ERC2: variants seen among roughly 807,000 people sequenced by gnomAD.
The protein encoded by ERC2 is ELKS/RAB6-interacting/CAST family member 2.
Under a neutral mutation model 114.8 loss-of-function variants are expected in ERC2, and 42 were observed. That is an observed-to-expected ratio of 0.37 (90% CI 0.29 to 0.47). ERC2 has a LOEUF of 0.47. Among genes scored for constraint, ERC2 ranks in the 20% least tolerant of loss-of-function variants. The pLI is 0.99. For missense variants in ERC2, 939 were observed against 1,150.7 expected (o/e 0.82, Z 2.66); for synonymous variants, 454 against 425.5 (o/e 1.07, Z -0.82).
chr3:55,888,551 T>C lies in ERC2; in HGVS notation c.2404-2A>G, dbSNP rs1559820726. 4.3e-6 allele frequency: 7 copies of C among 1,613,630 alleles called. No homozygotes were observed. The highest frequency in any genetic ancestry group is 5.1e-6 in the Non-Finnish European group (6 of 1,179,738). On this transcript the variant is annotated splice_acceptor_variant, in intron 13 of 17. Transcript: ENST00000288221. LOFTEE classifies it high-confidence loss of function. ...CAGTGCATTCATCAGTTCCTCTATCTGAAAGGCACATGGAGCTCTGTGTGT... is the reference window on the plus strand; with the variant it reads ...CAGTGCATTCATCAGTTCCTCTATCCGAAAGGCACATGGAGCTCTGTGTGT...
intron 14 of ERC2, among the ~76,000 whole-genome samples, chr3:55,834,418 C>G (rs2060774792): frequency 6.6e-6 from 1 of 152,132 alleles, no homozygotes; most frequent in Admixed American, 6.5e-5. Flanking sequence ...GTCTCTCAGA[C>G]CACAGTGCAA....
chr3:55,786,658 G>A (rs558978506), intron 14 of ERC2, among the ~76,000 whole-genome samples: 22 of 152,286 alleles, frequency 1.4e-4, no homozygotes, highest in African/African-American at 5.1e-4. Flanking sequence ...GCTTGGAAAG[G>A]TAAAACTCAC....
chr3:55,923,322 C>T (rs1384452199), intron 13 of ERC2, among the ~76,000 whole-genome samples: 1 of 151,970 alleles, frequency 6.6e-6, no homozygotes, highest in Non-Finnish European at 1.5e-5. Flanking sequence ...ATTTGAGGTA[C>T]TTAGAGTAAT....
At chr3:55,607,614 GTTTT>G (rs367596448) in intron 17 of ERC2, among the ~76,000 whole-genome samples, 84 of 132,324 alleles carry the variant, frequency 6.3e-4, no homozygotes, top group African/African-American at 1.0e-3. Flanking sequence ...AAAATAGTGT[GTTTT>G]TTTTTTTTTT....
At chr3:56,155,353 T>A (rs755043413) in intron 4 of ERC2, among the ~76,000 whole-genome samples, 4 of 137,846 alleles carry the variant, frequency 2.9e-5, no homozygotes, top group African/African-American at 5.5e-5. Context: ...ATTTTCTGAG[T>A]AAGGAAAATG....
intron 2 of ERC2, among the ~76,000 whole-genome samples, chr3:56,358,511 C>A (rs757613677): frequency 6.6e-6 from 1 of 152,226 alleles, no homozygotes; most frequent in Non-Finnish European, 1.5e-5. Context: ...CAAAAGCCTA[C>A]TTCAATCTAG....
At chr3:55,640,396 A>G (rs778829481) in intron 17 of ERC2, among the ~76,000 whole-genome samples, 7 of 152,200 alleles carry the variant, frequency 4.6e-5, no homozygotes, top group Non-Finnish European at 1.0e-4. Flanking sequence ...CCCTGGAAAG[A>G]GAAACCCCAC....
At chr3:55,694,828 G>A (rs1045715994) in intron 16 of ERC2, among the ~76,000 whole-genome samples, 10 of 152,160 alleles carry the variant, frequency 6.6e-5, no homozygotes, top group South Asian at 2.1e-4. Flanking sequence ...CCCAAGACCC[G>A]GGAAGAGAAA....
At position 55,830,794 on chromosome 3, in the gene ERC2, A is replaced by T. The variant is rs73078745; in HGVS notation, c.2564+57595T>A. On this transcript the variant is annotated intron_variant, in intron 14 of 17. Transcript: ENST00000288221. ...CCCCATTTCTAAAAAATTATAAAAA[A>T]CTAACCAGGTATGATGCTATGTGCC... Among the ~76,000 whole-genome samples, 1,485 of 152,090 alleles carry T rather than the reference A, an allele frequency of 9.8e-3. 10 individuals carry two copies. Among genetic ancestry groups the T allele is most frequent in the Non-Finnish European group, 0.015 (1,054 of 68,004 alleles).
chr3:56,354,757 A>T (rs961033937), intron 2 of ERC2, among the ~76,000 whole-genome samples: 78 of 152,314 alleles, frequency 5.1e-4, no homozygotes, highest in African/African-American at 1.8e-3. Context: ...ATTGAAATTT[A>T]TTTCAAAGAA....
At chr3:55,773,432 A>G (rs554279497) in intron 14 of ERC2, among the ~76,000 whole-genome samples, 13 of 152,350 alleles carry the variant, frequency 8.5e-5, no homozygotes, top group African/African-American at 2.9e-4. Flanking sequence ...TTCTGACTTC[A>G]AATCTTTCTC....
At chr3:56,179,086 C>T (rs1406676960) in intron 3 of ERC2, among the ~76,000 whole-genome samples, 1 of 147,528 alleles carries the variant, frequency 6.8e-6, no homozygotes, top group East Asian at 2.0e-4. Flanking sequence ...CACAAAAAAA[C>T]TCATAATGTT....
chr3:55,817,476 A>G (rs1449906564), intron 14 of ERC2, among the ~76,000 whole-genome samples: 1 of 152,180 alleles, frequency 6.6e-6, no homozygotes, highest in Non-Finnish European at 1.5e-5. Context: ...CATCACGTCT[A>G]ACCTCTCCTC....
At chr3:55,809,127 G>A (rs962303642) in intron 14 of ERC2, among the ~76,000 whole-genome samples, 7 of 152,104 alleles carry the variant, frequency 4.6e-5, no homozygotes, top group African/African-American at 1.7e-4. Flanking sequence ...AGAGTCAGAT[G>A]TAAAGATGCA....
At chr3:55,585,229 G>C (rs79154183) in intron 17 of ERC2, among the ~76,000 whole-genome samples, 1 of 152,206 alleles carries the variant, frequency 6.6e-6, no homozygotes, top group Non-Finnish European at 1.5e-5. Context: ...CTGTCAACTA[G>C]GCAGCACTTT....
chr3:56,198,961 C>G (rs1239526990), intron 3 of ERC2, among the ~76,000 whole-genome samples: 1 of 152,168 alleles, frequency 6.6e-6, no homozygotes, highest in Non-Finnish European at 1.5e-5. Flanking sequence ...GGGGAAACCA[C>G]CTAATGCCTA....
At chr3:55,983,660 GT>G (rs1208623881) in intron 12 of ERC2, among the ~76,000 whole-genome samples, 3 of 152,188 alleles carry the variant, frequency 2.0e-5, no homozygotes, top group Non-Finnish European at 2.9e-5. Context: ...AGTCTCAAGA[GT>G]TACTGCAGTT....
intron 17 of ERC2, among the ~76,000 whole-genome samples, chr3:55,568,533 T>A (rs934997221): frequency 6.6e-6 from 1 of 152,202 alleles, no homozygotes; most frequent in Non-Finnish European, 1.5e-5. Flanking sequence ...TCCTTCATGT[T>A]CCACATCCAA....
intron 14 of ERC2, among the ~76,000 whole-genome samples, chr3:55,755,815 T>A (rs768467955): frequency 2.9e-4 from 44 of 152,294 alleles, no homozygotes; most frequent in Non-Finnish European, 4.1e-4. Flanking sequence ...AAATTAAACG[T>A]ACATCGAACG....
Sources: allele counts gnomAD v4.1 joint callset (sites outside exome capture counted in the v4.1 genomes callset), GRCh38; gene constraint gnomAD v4.1.1; transcripts MANE v1.5; gene names NCBI Gene and HGNC (gene_info 2026-07-23, HGNC 2026-07-21).